Variants in DERA observed in about 807,000 individuals in gnomAD.
DERA encodes deoxyribose-phosphate aldolase, also known as 2-deoxy-D-ribose 5-phosphate aldolase.
A neutral mutation model predicts 41.1 loss-of-function variants in DERA; 15 were observed. That is an observed-to-expected ratio of 0.37 (90% CI 0.24 to 0.56). DERA has a LOEUF of 0.56. Among genes scored for constraint, DERA ranks in the 20% least tolerant of loss-of-function variants. DERA has a pLI of 0.81. For synonymous variants in DERA, 139 were observed against 137.4 expected (o/e 1.01, Z -0.08); for missense variants, 396 against 403.4 (o/e 0.98, Z 0.16).
Position 15,970,343 on chromosome 12 carries a change from T to A in DERA, c.508+7396T>A, listed in dbSNP as rs1948651365. Reference sequence around the variant, plus strand: ...TAGAAGGAAATATACTTTATGACTTTTAGATAGGAAACAGTCTTTAAACGC... The same window carrying A: ...TAGAAGGAAATATACTTTATGACTTATAGATAGGAAACAGTCTTTAAACGC... On this transcript the variant is annotated intron_variant, in intron 5 of 8. Coordinates refer to ENST00000428559, the MANE Select transcript of DERA (RefSeq NM_015954.4). This position sits in a 1 kb window ranked among gnomAD's most constrained non-coding sequence, Gnocchi z 4.3. Among the ~76,000 whole-genome samples, 1 of 152,176 alleles carries A rather than the reference T, an allele frequency of 6.6e-6. No individual in the cohort carries two copies. Among genetic ancestry groups the A allele is most frequent in the African/African-American group, 2.4e-5 (1 of 41,454 alleles).
Position 15,966,779 on chromosome 12 carries a change from G to GCACA in DERA, c.508+3832_508+3833insCACA, listed in dbSNP as rs1948626336. Among the ~76,000 whole-genome samples, 8 of 151,962 alleles carry GCACA rather than the reference G, an allele frequency of 5.3e-5. No individual in the cohort carries two copies. The highest frequency in any genetic ancestry group is 3.9e-4 in the Admixed American group (6 of 15,256). On this transcript the variant is annotated intron_variant, in intron 5 of 8. Coordinates refer to ENST00000428559, the MANE Select transcript of DERA (RefSeq NM_015954.4). The surrounding 1 kb of genome is among the most constrained non-coding windows in gnomAD (Gnocchi z 5.1). ...ATGTTTCTCAGAATCTGAGAACTGT[G>GCACA]GTTCTCAGATTCTGTCCCAGTGTGA...
At chr12:15,926,631 G>A (rs1052951142) in intron 1 of DERA, among the ~76,000 whole-genome samples, 1 of 151,848 alleles carries the variant, frequency 6.6e-6, no homozygotes, top group Non-Finnish European at 1.5e-5. Context: ...AGCTACTCGG[G>A]AGGCTGAGGC....
At chr12:15,968,626 G>A (rs988903788) in intron 5 of DERA, among the ~76,000 whole-genome samples, 5 of 152,208 alleles carry the variant, frequency 3.3e-5, no homozygotes, top group African/African-American at 1.2e-4. Flanking sequence ...TGGCTCTACC[G>A]TTTACTCTTG....
Position 15,928,747 on chromosome 12 carries a change from T to C in DERA, c.31+17333T>C, listed in dbSNP as rs1189028008. Among the ~76,000 whole-genome samples, 1 of 152,172 alleles carries C rather than the reference T, an allele frequency of 6.6e-6. No individual in the cohort carries two copies. Among genetic ancestry groups the C allele is most frequent in the Non-Finnish European group, 1.5e-5 (1 of 68,026 alleles). On this transcript the variant is annotated intron_variant, in intron 1 of 8. Coordinates refer to ENST00000428559, the MANE Select transcript of DERA (RefSeq NM_015954.4). The surrounding 1 kb of genome is among the most constrained non-coding windows in gnomAD (Gnocchi z 4.6). ...GTGAAAGCCTATTGGTGTAAATAGCTTTTTCCTGGGAAAGGTAAGTTTGGT... is the reference window on the plus strand; with the variant it reads ...GTGAAAGCCTATTGGTGTAAATAGCCTTTTCCTGGGAAAGGTAAGTTTGGT...
At position 16,003,141 on chromosome 12, in the gene DERA, G is replaced by C. The variant is rs558579591; in HGVS notation, c.637+20705G>C. On this transcript the variant is annotated intron_variant, in intron 6 of 8. Transcript: ENST00000428559. The surrounding 1 kb of genome is among the most constrained non-coding windows in gnomAD (Gnocchi z 4.8). ...TTTGTGGCTCTCCCCTTACTTGCAG[G>C]GGATTGTTGCCTATCTTTGGTGTTT... Among the ~76,000 whole-genome samples, 1 of 152,096 alleles carries C rather than the reference G, an allele frequency of 6.6e-6. No individual in the cohort carries two copies. The highest frequency in any genetic ancestry group is 2.4e-5 in the African/African-American group (1 of 41,406).
intron 1 of DERA, among the ~76,000 whole-genome samples, chr12:15,937,979 T>G (rs1270335332): frequency 1.3e-5 from 2 of 152,194 alleles, no homozygotes; most frequent in Non-Finnish European, 2.9e-5. Flanking sequence ...CTGAATCCCT[T>G]TGTTTTGAGG....
rs1220742342 is a variant in DERA at position 16,011,928 on chromosome 12, C to T, written c.638-20614C>T. 2.0e-5 allele frequency among the ~76,000 whole-genome samples: 3 copies of T among 152,032 alleles called. No homozygotes were observed. The highest frequency in any genetic ancestry group is 2.0e-4 in the Admixed American group (3 of 15,264). Reference sequence around the variant, plus strand: ...CTCATTTTTTTTCTTCTCAGCAATGCCACTGGCTCTCTAAAAAACAGAGGA... The same window carrying T: ...CTCATTTTTTTTCTTCTCAGCAATGTCACTGGCTCTCTAAAAAACAGAGGA... On this transcript the variant is annotated intron_variant, in intron 6 of 8. Transcript: ENST00000428559. The surrounding 1 kb of genome is among the most constrained non-coding windows in gnomAD (Gnocchi z 4.7).
chr12:15,939,846 G>A (rs1238906773), intron 1 of DERA, among the ~76,000 whole-genome samples: 2 of 152,152 alleles, frequency 1.3e-5, no homozygotes, highest in Admixed American at 6.5e-5. Context: ...TTAATTTAAT[G>A]TCACCTTTTT....
intron 1 of DERA, among the ~76,000 whole-genome samples, chr12:15,947,477 C>G (rs1408420302): frequency 6.6e-6 from 1 of 152,088 alleles, no homozygotes; most frequent in Admixed American, 6.6e-5. Flanking sequence ...TTCTTTGTCT[C>G]TTTTCATATT....
In DERA at chr12:15,967,113, G is replaced by A. The variant is rs1336382963; in HGVS notation, c.508+4166G>A. On this transcript the variant is annotated intron_variant, in intron 5 of 8. Coordinates refer to ENST00000428559, the MANE Select transcript of DERA (RefSeq NM_015954.4). The surrounding 1 kb of genome is among the most constrained non-coding windows in gnomAD (Gnocchi z 4.9). Reference sequence around the variant, plus strand: ...GCCTGTAATCCCAGCACTCTGGGAGGCTGAGGCAGGCAGATCACTTGAGCC... The same window carrying A: ...GCCTGTAATCCCAGCACTCTGGGAGACTGAGGCAGGCAGATCACTTGAGCC... 6.6e-6 allele frequency among the ~76,000 whole-genome samples: 1 copy of A among 152,072 alleles called. No homozygotes were observed. Among genetic ancestry groups the A allele is most frequent in the African/African-American group, 2.4e-5 (1 of 41,384 alleles).
rs1948361133 is a variant in DERA, at chr12:15,935,883, T to G, written c.32-21053T>G. Reference sequence around the variant, plus strand: ...CTCTCATGAGGTTGCAATCAAGTTATTGGCCCAGGCAGCCATCACCTGAAG... The same window carrying G: ...CTCTCATGAGGTTGCAATCAAGTTAGTGGCCCAGGCAGCCATCACCTGAAG... On this transcript the variant is annotated intron_variant, in intron 1 of 8. Coordinates refer to ENST00000428559, the MANE Select transcript of DERA (RefSeq NM_015954.4). This position sits in a 1 kb window ranked among gnomAD's most constrained non-coding sequence, Gnocchi z 4.8. Among the ~76,000 whole-genome samples, 1 of 152,218 alleles carries G rather than the reference T, an allele frequency of 6.6e-6. No individual in the cohort carries two copies. Among genetic ancestry groups the G allele is most frequent in the South Asian group, 2.1e-4 (1 of 4,832 alleles).
In DERA at chr12:16,019,398, C is replaced by T. The variant is rs1296556817; in HGVS notation, c.638-13144C>T. 6.6e-6 allele frequency among the ~76,000 whole-genome samples: 1 copy of T among 152,186 alleles called. No individual in the cohort carries two copies. The highest frequency in any genetic ancestry group is 1.9e-4 in the East Asian group (1 of 5,192). On this transcript the variant is annotated intron_variant, in intron 6 of 8. Coordinates refer to ENST00000428559, the MANE Select transcript of DERA (RefSeq NM_015954.4). This position sits in a 1 kb window ranked among gnomAD's most constrained non-coding sequence, Gnocchi z 4.4. ...ACACTAAATTTAGCATCTTAAAACA[C>T]TGATTTCATGTGATCAGACCTCACA...
intron 1 of DERA, among the ~76,000 whole-genome samples, chr12:15,937,383 G>C (rs1415683768): frequency 6.6e-6 from 1 of 152,210 alleles, no homozygotes; most frequent in Non-Finnish European, 1.5e-5. Context: ...CAGAATGAGT[G>C]CCTGGCTATC....
chr12:15,931,201 T>TAA lies in DERA; in HGVS notation c.31+19789_31+19790dup, dbSNP rs1332436287. The stretch of plus-strand genomic sequence containing the variant: ...TGCGTGACTAGCACAACATCCAGCA[T>TAA]AAATAGCAGCTTTAGGAATAACATT... On this transcript the variant is annotated intron_variant, in intron 1 of 8. Coordinates refer to ENST00000428559, the MANE Select transcript of DERA (RefSeq NM_015954.4). The surrounding 1 kb of genome is among the most constrained non-coding windows in gnomAD (Gnocchi z 4.6). Among the ~76,000 whole-genome samples the TAA allele has an allele frequency of 6.6e-6, 1 of 152,358 alleles. No individual in the cohort carries two copies. The highest frequency in any genetic ancestry group is 1.9e-4 in the East Asian group (1 of 5,186).
rs547347683 is a variant in DERA, at chr12:16,010,897, A to G, written c.638-21645A>G. Among the ~76,000 whole-genome samples the G allele has an allele frequency of 4.8e-5, 7 of 146,996 alleles. No homozygotes were observed. The highest frequency in any genetic ancestry group is 1.4e-4 in the African/African-American group (5 of 36,538). The stretch of plus-strand genomic sequence containing the variant: ...AAGAAACTCTACCCACTTATCATCA[A>G]TTGTTGAAAAAAAAGATTTATGATG... On this transcript the variant is annotated intron_variant, in intron 6 of 8. Coordinates refer to ENST00000428559, the MANE Select transcript of DERA (RefSeq NM_015954.4). The surrounding 1 kb of genome is among the most constrained non-coding windows in gnomAD (Gnocchi z 5.5).
Position 15,911,422 on chromosome 12 carries a change from G to C in DERA, c.31+8G>C. The C allele has an allele frequency of 7.1e-7, 1 of 1,410,530 alleles. No homozygotes were observed. The highest frequency in any genetic ancestry group is 9.2e-7 in the Non-Finnish European group (1 of 1,092,550). 87.4% of individuals were successfully genotyped at this position (1,410,530 alleles called of 1,614,324 possible). On this transcript the variant is annotated splice_region_variant and intron_variant, in intron 1 of 8. Transcript: ENST00000428559. This position sits in a 1 kb window ranked among gnomAD's most constrained non-coding sequence, Gnocchi z 4.5. ...ATCGGGGCACCGAGCTCGGTAAGGG[G>C]CCCGCGGGGCTCCCCATCCCCTCTC... is the stretch of plus-strand genomic sequence containing the variant.
chr12:15,940,191 G>T lies in DERA; in HGVS notation c.32-16745G>T, dbSNP rs1948398912. 6.6e-6 allele frequency among the ~76,000 whole-genome samples: 1 copy of T among 151,956 alleles called. No homozygotes were observed. Among genetic ancestry groups the T allele is most frequent in the African/African-American group, 2.4e-5 (1 of 41,372 alleles). On this transcript the variant is annotated intron_variant, in intron 1 of 8. Coordinates refer to ENST00000428559, the MANE Select transcript of DERA (RefSeq NM_015954.4). This position sits in a 1 kb window ranked among gnomAD's most constrained non-coding sequence, Gnocchi z 5.1. ...TTATCTTCAGCAAAATAGACTTCCGGTTTTTTTATTTGATAAATTAGATTT... is the reference window on the plus strand; with the variant it reads ...TTATCTTCAGCAAAATAGACTTCCGTTTTTTTTATTTGATAAATTAGATTT...
Position 15,954,801 on chromosome 12 carries a change from G to T in DERA, c.32-2135G>T, listed in dbSNP as rs138811516. Among the ~76,000 whole-genome samples, 26 of 152,242 alleles carry T rather than the reference G, an allele frequency of 1.7e-4. No homozygotes were observed. The East Asian group carries it at 2.1e-3, about 12-fold the overall frequency. Reference sequence around the variant, plus strand: ...GGAGTAGAGAATGGGAAGGACTTCAGGGGTGTCCTGTGACCGATAAAGGAC... The same window carrying T: ...GGAGTAGAGAATGGGAAGGACTTCATGGGTGTCCTGTGACCGATAAAGGAC... On this transcript the variant is annotated intron_variant, in intron 1 of 8. Transcript: ENST00000428559. The surrounding 1 kb of genome is among the most constrained non-coding windows in gnomAD (Gnocchi z 4.0).
rs1948388175 is a variant in DERA at position 15,938,554 on chromosome 12, T to C, written c.32-18382T>C. On this transcript the variant is annotated intron_variant, in intron 1 of 8. Coordinates refer to ENST00000428559, the MANE Select transcript of DERA (RefSeq NM_015954.4). This position sits in a 1 kb window ranked among gnomAD's most constrained non-coding sequence, Gnocchi z 4.1. ...TTGTGTTTATTAAGTTTAAAATTCT[T>C]GATAGTTTTCAATTGATTCTTACCC... is the stretch of plus-strand genomic sequence containing the variant. 6.6e-6 allele frequency among the ~76,000 whole-genome samples: 1 copy of C among 152,220 alleles called. No individual in the cohort carries two copies. The highest frequency in any genetic ancestry group is 2.4e-5 in the African/African-American group (1 of 41,470).
Sources: allele counts gnomAD v4.1 joint callset (sites outside exome capture counted in the v4.1 genomes callset), GRCh38; gene constraint gnomAD v4.1.1; non-coding constraint Gnocchi (gnomAD v3.1); transcripts MANE v1.5; gene names NCBI Gene and HGNC (gene_info 2026-07-23, HGNC 2026-07-21).